The following RALGAPA2 variants were observed in gnomAD, a reference collection of about 807,000 sequenced individuals.
RALGAPA2 encodes ral GTPase-activating protein subunit alpha-2.
A neutral mutation model predicts 230.4 loss-of-function variants in RALGAPA2; 139 were observed. The ratio of observed to expected loss-of-function variants is 0.60; its 90% CI spans 0.53 to 0.69. The LOEUF (loss-of-function observed/expected upper bound fraction) is 0.69, where lower values mean the gene tolerates loss of function less well. Ranked by LOEUF, RALGAPA2 falls within the 30% of genes least tolerant of loss-of-function variation. The pLI, the probability that RALGAPA2 is intolerant of heterozygous loss-of-function variation, is 0.00. For missense variants in RALGAPA2, 2,163 were observed against 2,276.0 expected, an observed-to-expected ratio of 0.95 and a Z score of 1.01; for synonymous variants, 847 against 837.8, an observed-to-expected ratio of 1.01 and a Z score of -0.19.
At chr20:20,444,595 T>TGGAA (rs2060817696) in intron 37 of RALGAPA2, among the ~76,000 whole-genome samples, 1 of 152,172 alleles carries the variant, frequency 6.6e-6, no homozygotes. Context: ...TCCCCCTTAC[T>TGGAA]GGAAGGATAA....
chr20:20,528,126 G>A (rs952202111), intron 27 of RALGAPA2, among the ~76,000 whole-genome samples: 2 of 152,178 alleles, frequency 1.3e-5, no homozygotes, highest in Admixed American at 1.3e-4. Context: ...CAGGCACCAA[G>A]GTAGGAAAGG....
Position 20,712,603 on chromosome 20 carries a change from T to A in RALGAPA2, c.-123A>T. 8.5e-7 allele frequency: 1 copy of A among 1,179,238 alleles called. No homozygotes were observed. Among genetic ancestry groups the A allele is most frequent in the East Asian group, 3.9e-5 (1 of 25,698 alleles). The allele number at this position is 1,179,238 out of a possible 1,614,324, so 73.0% of individuals were successfully genotyped here. ...CACTCGCCGCCCCCAGCCCCGCTGC[T>A]GCCGCCGCCGCCGCCGCCGCCGCCG... On this transcript the variant is annotated 5_prime_UTR_variant, in exon 1 of 40. Transcript: ENST00000202677. The surrounding 1 kb of genome is among the most constrained non-coding windows in gnomAD (Gnocchi z 5.5).
chr20:20,636,067 T>C (rs1229834797), intron 8 of RALGAPA2, among the ~76,000 whole-genome samples: 1 of 152,172 alleles, frequency 6.6e-6, no homozygotes, highest in Non-Finnish European at 1.5e-5. Context: ...ACTTTAGAGG[T>C]TTATATCCTT....
At chr20:20,655,293 TA>T (rs2067548988) in intron 3 of RALGAPA2, among the ~76,000 whole-genome samples, 1 of 150,318 alleles carries the variant, frequency 6.7e-6, no homozygotes, top group Non-Finnish European at 1.5e-5. Flanking sequence ...AGAGAGATGA[TA>T]AAGAAAAGAA....
chr20:20,444,323 C>T (rs2123095518), intron 37 of RALGAPA2, among the ~76,000 whole-genome samples: 1 of 152,344 alleles, frequency 6.6e-6, no homozygotes, highest in East Asian at 1.9e-4. Flanking sequence ...TCAAGTACTG[C>T]TGATGATCTG....
intron 39 of RALGAPA2, 83 bp from the exon 40 acceptor site, chr20:20,393,336 T>G (rs2059636831): frequency 9.2e-7 from 1 of 1,085,922 alleles, no homozygotes; most frequent in Admixed American, 3.7e-5. Flanking sequence ...TCTGTGGCAC[T>G]CAGAAGGGAG....
intron 38 of RALGAPA2, among the ~76,000 whole-genome samples, chr20:20,399,921 C>T (rs754862892): frequency 2.6e-5 from 4 of 152,172 alleles, no homozygotes; most frequent in Non-Finnish European, 5.9e-5. Context: ...GGTTACTGAA[C>T]AGTCAGTGTG....
Position 20,390,090 on chromosome 20 carries a change from T to C in RALGAPA2, c.*3199A>G, listed in dbSNP as rs1202259411. On this transcript the variant is annotated 3_prime_UTR_variant, in exon 40 of 40. Coordinates refer to ENST00000202677, the MANE Select transcript of RALGAPA2 (RefSeq NM_020343.4). ...AGGTAGCACAGTTACATTTACGACA[T>C]CACAGTTAGGTTTTAAAGGATTCAT... The C allele has an allele frequency of 6.6e-6, 1 of 152,124 alleles. No homozygotes were observed. Among genetic ancestry groups the C allele is most frequent in the Non-Finnish European group, 1.5e-5 (1 of 68,030 alleles). 9.4% of individuals were successfully genotyped at this position (152,124 alleles called of 1,614,324 possible). A position where few individuals can be genotyped will look rare whatever the true frequency, so the allele number is the denominator to read the frequency against.
intron 10 of RALGAPA2, among the ~76,000 whole-genome samples, chr20:20,625,994 C>A (rs1254713442): frequency 6.6e-6 from 1 of 152,288 alleles, no homozygotes; most frequent in South Asian, 2.1e-4. Context: ...TGTCATGAGC[C>A]TCTCTGCCCC....
chr20:20,602,524 T>C (rs1207991924), intron 15 of RALGAPA2, among the ~76,000 whole-genome samples: 1 of 152,252 alleles, frequency 6.6e-6, no homozygotes, highest in East Asian at 1.9e-4. Flanking sequence ...ACAGGTATGA[T>C]GTGGCCAGTG....
intron 23 of RALGAPA2, among the ~76,000 whole-genome samples, chr20:20,568,935 C>A (rs1005684605): frequency 1.3e-5 from 2 of 152,118 alleles, no homozygotes; most frequent in Non-Finnish European, 2.9e-5. Flanking sequence ...TAAATAAATC[C>A]TTTTGCTGCT....
chr20:20,536,873 T>TA, intron 24 of RALGAPA2, 89 bp from the exon 25 acceptor site: 1 of 1,382,682 alleles, frequency 7.2e-7, no homozygotes. Flanking sequence ...TCATCCTAGA[T>TA]AAAAAATACC....
rs370186767 is a variant in RALGAPA2 at position 20,643,803 on chromosome 20, G to A, written c.329-254C>T. ...TTAAGGTAAGCCAAATGCCCACAGT[G>A]GATTATGCGCATATATCTCTTGTCA... On this transcript the variant is annotated intron_variant, in intron 4 of 39. Coordinates refer to ENST00000202677, the MANE Select transcript of RALGAPA2 (RefSeq NM_020343.4). Among the ~76,000 whole-genome samples, 7 of 151,576 alleles carry A rather than the reference G, an allele frequency of 4.6e-5. No individual in the cohort carries two copies. In the East Asian group the frequency reaches 1.2e-3, roughly 25 times the overall value.
intron 37 of RALGAPA2, among the ~76,000 whole-genome samples, chr20:20,463,954 T>G: frequency 6.6e-6 from 1 of 152,222 alleles, no homozygotes; most frequent in East Asian, 1.9e-4. Flanking sequence ...GTGGAATTTG[T>G]GTCATCATGA....
At chr20:20,671,051 A>G (rs2068120301) in intron 3 of RALGAPA2, among the ~76,000 whole-genome samples, 1 of 152,182 alleles carries the variant, frequency 6.6e-6, no homozygotes. Flanking sequence ...AGCTGGAGTC[A>G]ACTTCCAAAA....
Position 20,412,129 on chromosome 20 carries a change from A to G in RALGAPA2, c.5515T>C (p.Tyr1839His). The change falls in exon 38 of 40, where the codon TAT becomes CAT. Residue 1839 changes from tyrosine to histidine, a missense_variant. Tyr to His is a moderately conservative substitution (Grantham distance 83, BLOSUM62 2). Coordinates refer to ENST00000202677, the MANE Select transcript of RALGAPA2 (RefSeq NM_020343.4). ...TGGTTCTGAATTATTGCTTCGAGAT[A>G]CAGAGCTCGCTCTTCATAGCTGCGG... is the stretch of plus-strand genomic sequence containing the variant. ...YQSFYEERAL[Y>H]LEAIIQNHRE... 1.2e-6 allele frequency: 2 copies of G among 1,613,984 alleles called. No individual in the cohort carries two copies. Among genetic ancestry groups the G allele is most frequent in the Non-Finnish European group, 1.7e-6 (2 of 1,179,870 alleles).
At chr20:20,400,453 G>A (rs1394998354) in intron 38 of RALGAPA2, among the ~76,000 whole-genome samples, 3 of 152,170 alleles carry the variant, frequency 2.0e-5, no homozygotes, top group Non-Finnish European at 4.4e-5. Context: ...AAGTGAGCAG[G>A]TGGATCATTG....
At chr20:20,570,717 A>G (rs1602861212) in intron 23 of RALGAPA2, among the ~76,000 whole-genome samples, 1 of 152,056 alleles carries the variant, frequency 6.6e-6, no homozygotes, top group East Asian at 1.9e-4. Flanking sequence ...CTACTATCAC[A>G]TTTTCAAATC....
intron 20 of RALGAPA2, among the ~76,000 whole-genome samples, chr20:20,575,244 G>A (rs1337472533): frequency 6.6e-6 from 1 of 151,960 alleles, no homozygotes; most frequent in African/African-American, 2.4e-5. Flanking sequence ...CCCATTTCTG[G>A]CCTAGATTTC....
Sources: gnomAD v4.1 joint callset for allele counts (sites outside exome capture counted in the v4.1 genomes callset) on GRCh38, gnomAD v4.1.1 for gene constraint, Gnocchi (gnomAD v3.1) non-coding constraint, MANE v1.5 for transcripts, NCBI Gene and HGNC (gene_info 2026-07-23, HGNC 2026-07-21) for gene names.